Variants in GCN1 observed in about 807,000 individuals in gnomAD.
GCN1 encodes the protein stalled ribosome sensor GCN1.
GCN1 carries 90 observed loss-of-function variants against 288.4 expected under a neutral mutation model. The ratio of observed to expected loss-of-function variants is 0.31; its 90% CI spans 0.26 to 0.37. The LOEUF (loss-of-function observed/expected upper bound fraction) is 0.37. Among genes scored for constraint, GCN1 ranks in the 10% least tolerant of loss-of-function variants. GCN1 has a pLI of 1.00. For missense variants in GCN1, 2,586 were observed against 3,419.9 expected, an observed-to-expected ratio of 0.76 and a Z score of 6.08; for synonymous variants, 1,386 against 1,420.2, an observed-to-expected ratio of 0.98 and a Z score of 0.54.
chr12:120,160,844 C>T (rs1219180428), intron 22 of GCN1, among the ~76,000 whole-genome samples: 2 of 152,232 alleles, frequency 1.3e-5, no homozygotes, highest in East Asian at 1.9e-4. Flanking sequence ...AGTCAACAAG[C>T]ACATAAACAA....
At position 120,127,977 on chromosome 12, in the gene GCN1, G is replaced by A. The variant is rs1185338629; in HGVS notation, c.7891-3C>T. ...ACATCCAGGATCTTGGAGAGGGACT[G>A]TGGGGAAGGATGAGCAGGAGGAAAC... On this transcript the variant is annotated splice_region_variant and splice_polypyrimidine_tract_variant and intron_variant, in intron 57 of 57. Coordinates refer to ENST00000300648, the MANE Select transcript of GCN1 (RefSeq NM_006836.2). 1 of 1,613,926 alleles carries A rather than the reference G, an allele frequency of 6.2e-7. No homozygotes were observed. Among genetic ancestry groups the A allele is most frequent in the Non-Finnish European group, 8.5e-7 (1 of 1,179,830 alleles).
rs779008328 is a variant in GCN1 at position 120,145,217 on chromosome 12, C to T, written c.5016+45G>A. On this transcript the variant is annotated intron_variant, in intron 39 of 57. Coordinates refer to ENST00000300648, the MANE Select transcript of GCN1 (RefSeq NM_006836.2). ...ATTCTCAGGAATCCATTTATGGGGA[C>T]TGGATGAGGGGCCTGGCCCATCCCC... 3.2e-6 allele frequency: 5 copies of T among 1,554,796 alleles called. No individual in the cohort carries two copies. In the African/African-American group the frequency reaches 6.8e-5, roughly 21 times the overall value.
In GCN1 at chr12:120,147,151, G is replaced by C. The variant is rs903245887; in HGVS notation, c.4848C>G (p.Ile1616Met). Residue 1616 changes from isoleucine (I) to methionine (M), a missense_variant, in exon 38 of 58, where the codon ATC becomes ATG. By Grantham distance (10) the Ile-to-Met change is conservative. This residue lies in a region of GCN1 where 371 missense variants were observed against 572.6 expected (regional missense o/e 0.65). Transcript: ENST00000300648. ...HFIDAPSLAL[I>M]MPIVQRAFQD... ...GGAAGGCTCTCTGGACAATGGGCATGATGAGGGCCAGGGATGGGGCATCAA... is the reference window on the plus strand; with the variant it reads ...GGAAGGCTCTCTGGACAATGGGCATCATGAGGGCCAGGGATGGGGCATCAA... 6.2e-7 allele frequency: 1 copy of C among 1,613,102 alleles called. No homozygotes were observed. The highest frequency in any genetic ancestry group is 1.3e-5 in the African/African-American group (1 of 74,912).
In GCN1 at chr12:120,137,432, T is replaced by C. The variant is rs1322402135; in HGVS notation, c.6663+113A>G. On this transcript the variant is annotated intron_variant, in intron 49 of 57. Coordinates refer to ENST00000300648, the MANE Select transcript of GCN1 (RefSeq NM_006836.2). The surrounding 1 kb of genome is among the most constrained non-coding windows in gnomAD (Gnocchi z 5.2). ...ATAAACAAGACTTGCCACGAGTGGG[T>C]AAACGCCGAAGCTGAGTGACAGGTA... The C allele has an allele frequency of 1.2e-5, 17 of 1,411,172 alleles. No homozygotes were observed. The highest frequency in any genetic ancestry group is 1.7e-5 in the Non-Finnish European group (17 of 1,003,894). 87.4% of individuals were successfully genotyped at this position (1,411,172 alleles called of 1,614,324 possible).
intron 15 of GCN1, among the ~76,000 whole-genome samples, chr12:120,169,248 G>A (rs7294993): frequency 0.28 from 37,026 of 130,158 alleles, 6,364 homozygotes; most frequent in East Asian, 0.61. Flanking sequence ...CTGCACTCCA[G>A]CCTGGGCGAC....
chr12:120,127,767 C>T lies in GCN1; in HGVS notation c.*82G>A. On this transcript the variant is annotated 3_prime_UTR_variant, in exon 58 of 58. Coordinates refer to ENST00000300648, the MANE Select transcript of GCN1 (RefSeq NM_006836.2). Reference sequence around the variant, plus strand: ...TCTGGGAACGCCATCTTCCAAGCTCCCCATTGGAACAAATGTATTTTCAAA... The same window carrying T: ...TCTGGGAACGCCATCTTCCAAGCTCTCCATTGGAACAAATGTATTTTCAAA... 6.9e-7 allele frequency: 1 copy of T among 1,446,828 alleles called. No homozygotes were observed. Among genetic ancestry groups the T allele is most frequent in the Non-Finnish European group, 9.6e-7 (1 of 1,043,974 alleles). The allele number at this position is 1,446,828 out of a possible 1,614,324, so 89.6% of individuals were successfully genotyped here. A position where few individuals can be genotyped will look rare whatever the true frequency, so the allele number is the denominator to read the frequency against.
chr12:120,162,858 G>T lies in GCN1; in HGVS notation c.2152C>A (p.Pro718Thr). ...CATGTGCCCGTCACCTGGTTTAGGG[G>T]ACTCTGTGTGGTCATCCTGGGAATG... Reference protein sequence around the residue: ...QIIPRMTTQSPLNQSSMNAMG... With the variant: ...QIIPRMTTQSTLNQSSMNAMG... The change falls in exon 20 of 58, where the codon CCC becomes ACC. Residue 718 changes from proline to threonine, a missense_variant. Transcript: ENST00000300648. 6.2e-7 allele frequency: 1 copy of T among 1,613,996 alleles called. No homozygotes were observed. Among genetic ancestry groups the T allele is most frequent in the South Asian group, 1.1e-5 (1 of 91,072 alleles).
chr12:120,144,122 G>T lies in GCN1; in HGVS notation c.5495+184C>A, dbSNP rs1043491039. Among the ~76,000 whole-genome samples, 1 of 152,158 alleles carries T rather than the reference G, an allele frequency of 6.6e-6. No individual in the cohort carries two copies. The highest frequency in any genetic ancestry group is 2.1e-4 in the South Asian group (1 of 4,820). On this transcript the variant is annotated intron_variant, in intron 42 of 57. Transcript: ENST00000300648. This position sits in a 1 kb window ranked among gnomAD's most constrained non-coding sequence, Gnocchi z 4.7. ...CTCCTGTGTAGCTGGGATTACAGGTGTGCACCACCATTCCCAGCTAATTTT... is the reference window on the plus strand; with the variant it reads ...CTCCTGTGTAGCTGGGATTACAGGTTTGCACCACCATTCCCAGCTAATTTT...
chr12:120,131,225 T>A lies in GCN1; in HGVS notation c.7523A>T (p.Asp2508Val), dbSNP rs1409500980. The change falls in exon 55 of 58, where the codon GAT (aspartate) becomes GTT (valine). Residue 2508 changes from aspartate to valine, a missense_variant. Around this residue, in one of 8 missense-constraint regions of GCN1, gnomAD observed 355 missense variants for 431.1 expected, o/e 0.82. Coordinates refer to ENST00000300648, the MANE Select transcript of GCN1 (RefSeq NM_006836.2). Reference protein sequence around the residue: ...GRLCAGRYSSDVQEMILSSAT... With the variant: ...GRLCAGRYSSVVQEMILSSAT... ...ACTGCTCAGGATCATTTCCTGAACA[T>A]CACTGCTATATCTGCCGGCACAAAG... The A allele has an allele frequency of 1.2e-6, 2 of 1,614,020 alleles. No individual in the cohort carries two copies. Among genetic ancestry groups the A allele is most frequent in the Admixed American group, 1.7e-5 (1 of 60,008 alleles).
intron 33 of GCN1, among the ~76,000 whole-genome samples, chr12:120,152,637 GCACACA>G (rs60288659): frequency 9.3e-5 from 10 of 107,326 alleles, no homozygotes; most frequent in Admixed American, 1.9e-4. Flanking sequence ...ACACACACGC[GCACACA>G]CACACACACA....
intron 38 of GCN1, among the ~76,000 whole-genome samples, chr12:120,146,435 G>A (rs1019296788): frequency 6.6e-6 from 1 of 151,732 alleles, no homozygotes; most frequent in Non-Finnish European, 1.5e-5. Flanking sequence ...GTATTATCAC[G>A]GCTCACTGTA....
chr12:120,131,515 T>C (rs901892715), intron 54 of GCN1, among the ~76,000 whole-genome samples, 182 bp from the exon 55 acceptor site: 21 of 152,138 alleles, frequency 1.4e-4, no homozygotes, highest in African/African-American at 4.1e-4. Flanking sequence ...AGTGGCACAT[T>C]AAGGAAAGTA....
At chr12:120,151,787 TCA>T (rs1328439204) in intron 33 of GCN1, among the ~76,000 whole-genome samples, 1 of 152,126 alleles carries the variant, frequency 6.6e-6, no homozygotes, top group African/African-American at 2.4e-5. Flanking sequence ...CTTGTCAAAA[TCA>T]CAGAGAAATT....
At position 120,137,545 on chromosome 12, in the gene GCN1, C is replaced by G; in HGVS notation, c.6663G>C (p.Lys2221Asn). 6.2e-7 allele frequency: 1 copy of G among 1,613,712 alleles called. No individual in the cohort carries two copies. Among genetic ancestry groups the G allele is most frequent in the East Asian group, 2.2e-5 (1 of 44,878 alleles). ...ESWDALNAIT[K>N]KLDAGNQLAL... ...GCTGTGGGGTCAGCAGTCCCCTCAC[C>G]TTAGTGATGGCATTTAGGGCATCCC... The change falls in exon 49 of 58, where the codon AAG (lysine) becomes AAC (asparagine). Residue 2221 changes from lysine to asparagine, a missense_variant and splice_region_variant. Transcript: ENST00000300648. This position sits in a 1 kb window ranked among gnomAD's most constrained non-coding sequence, Gnocchi z 5.2.
At chr12:120,172,861 A>G (rs183562351) in intron 14 of GCN1, among the ~76,000 whole-genome samples, 8 of 152,268 alleles carry the variant, frequency 5.3e-5, no homozygotes, top group Admixed American at 5.2e-4. Context: ...AAAAAGAAAT[A>G]CAAGCATATC....
At chr12:120,140,192 A>G (rs1877144154) in intron 45 of GCN1, among the ~76,000 whole-genome samples, 1 of 152,208 alleles carries the variant, frequency 6.6e-6, no homozygotes. Flanking sequence ...GCAACTGGCC[A>G]CTTGCTTACA....
intron 57 of GCN1, 27 bp downstream of exon 57, chr12:120,129,249 T>C: frequency 6.6e-7 from 1 of 1,513,230 alleles, no homozygotes; most frequent in East Asian, 2.3e-5. Flanking sequence ...TCACAGCACA[T>C]CCTGGTGAGG....
At position 120,153,062 on chromosome 12, in the gene GCN1, C is replaced by G. The variant is rs947776672; in HGVS notation, c.4062+151G>C. The stretch of plus-strand genomic sequence containing the variant: ...GGAGTGTTCCTGACTATAAACCAGG[C>G]TCTCCCCTGCGAGAGGGGGTGAATC... On this transcript the variant is annotated intron_variant, in intron 33 of 57. Coordinates refer to ENST00000300648, the MANE Select transcript of GCN1 (RefSeq NM_006836.2). This position sits in a 1 kb window ranked among gnomAD's most constrained non-coding sequence, Gnocchi z 4.4. The G allele has an allele frequency of 7.8e-6, 5 of 637,536 alleles. No homozygotes were observed. Among genetic ancestry groups the G allele is most frequent in the Non-Finnish European group, 1.1e-5 (4 of 367,874 alleles). 39.5% of individuals were successfully genotyped at this position (637,536 alleles called of 1,614,324 possible). A position where few individuals can be genotyped will look rare whatever the true frequency, so the allele number is the denominator to read the frequency against.
rs984835770 is a variant in GCN1, at chr12:120,168,547, C to T, written c.1520-247G>A. ...ACTGCTTCTCATCCGGAATTCCCAT[C>T]CACCCCAGGCGCCAAGCTGGAATAC... is the stretch of plus-strand genomic sequence containing the variant. On this transcript the variant is annotated intron_variant, in intron 15 of 57. Transcript: ENST00000300648. 7 of 430,664 alleles carry T rather than the reference C, an allele frequency of 1.6e-5. No individual in the cohort carries two copies. The South Asian group carries it at 1.8e-4, about 11-fold the overall frequency. 26.7% of individuals were successfully genotyped at this position (430,664 alleles called of 1,614,324 possible).
Sources: allele counts gnomAD v4.1 joint callset (sites outside exome capture counted in the v4.1 genomes callset), GRCh38; gene constraint gnomAD v4.1.1; regional missense constraint gnomAD v4.1.1; non-coding constraint Gnocchi (gnomAD v3.1); transcripts MANE v1.5; gene names NCBI Gene and HGNC (gene_info 2026-07-23, HGNC 2026-07-21).